The following RNF185 variants were observed in gnomAD, a reference collection of about 807,000 sequenced individuals.
The protein encoded by RNF185 is ring finger protein 185, also known as E3 ubiquitin-protein ligase RNF185.
In RNF185, 13 loss-of-function variants were observed where a neutral mutation model predicts 24.9. That is an observed-to-expected ratio of 0.52 (90% CI 0.34 to 0.83). The LOEUF (loss-of-function observed/expected upper bound fraction) is 0.83, where lower values mean the gene tolerates loss of function less well. Among genes scored for constraint, RNF185 ranks in the 40% least tolerant of loss-of-function variants. The pLI, the probability that RNF185 is intolerant of heterozygous loss-of-function variation, is 0.01. For missense variants in RNF185, 184 were observed against 244.7 expected, an observed-to-expected ratio of 0.75 and a Z score of 1.65; for synonymous variants, 79 against 90.3, an observed-to-expected ratio of 0.88 and a Z score of 0.71.
chr22:31,192,848 C>G, intron 3 of RNF185, 146 bp downstream of exon 3: 1 of 709,114 alleles, frequency 1.4e-6, no homozygotes, highest in Non-Finnish European at 2.5e-6. Flanking sequence ...TCTTTACATA[C>G]CTGTCCACTG....
intron 2 of RNF185, among the ~76,000 whole-genome samples, chr22:31,189,164 T>TG (rs1491298797): frequency 2.7e-5 from 4 of 147,134 alleles, no homozygotes; most frequent in Admixed American, 6.8e-5. Flanking sequence ...TGTGTGTGTG[T>TG]TTGTGTTTGT....
At chr22:31,192,522 A>G (rs552608674) in intron 2 of RNF185, among the ~76,000 whole-genome samples, 162 bp from the exon 3 acceptor site, 1 of 152,012 alleles carries the variant, frequency 6.6e-6, no homozygotes, top group South Asian at 2.1e-4. Context: ...AGTAATCCCT[A>G]CAGAACCTCA....
At chr22:31,176,279 C>G (rs1280665095) in intron 1 of RNF185, among the ~76,000 whole-genome samples, 1 of 151,472 alleles carries the variant, frequency 6.6e-6, no homozygotes, top group Admixed American at 6.6e-5. Flanking sequence ...CTCTGTCGCC[C>G]AGGCTGGAGT....
intron 2 of RNF185, 119 bp downstream of exon 2, chr22:31,187,389 G>A: frequency 1.8e-6 from 2 of 1,093,406 alleles, no homozygotes; most frequent in Admixed American, 2.6e-5. Context: ...AGGCTCAAGG[G>A]ACAAGAGACC....
Position 31,171,118 on chromosome 22 carries a change from ACTC to A in RNF185, c.-49+10818_-49+10820del, listed in dbSNP as rs971471248. Among the ~76,000 whole-genome samples the A allele has an allele frequency of 2.6e-4, 39 of 150,820 alleles. 1 individual carries two copies. The highest frequency in any genetic ancestry group is 4.1e-4 in the Non-Finnish European group (28 of 67,642). ...TAGTTACATTCTGACTTGGTTATAA[ACTC>A]CTTGAGCACAGGAACCAGGACCTTC... is the stretch of plus-strand genomic sequence containing the variant. On this transcript the variant is annotated intron_variant, in intron 1 of 6. Coordinates refer to ENST00000326132, the MANE Select transcript of RNF185 (RefSeq NM_152267.4).
intron 1 of RNF185, among the ~76,000 whole-genome samples, chr22:31,161,152 G>A (rs957634860): frequency 9.8e-5 from 15 of 152,334 alleles, no homozygotes; most frequent in African/African-American, 3.4e-4. Flanking sequence ...GGACTAACAG[G>A]TGAATTCTAC....
At chr22:31,178,535 G>T (rs2048004853) in intron 1 of RNF185, among the ~76,000 whole-genome samples, 1 of 152,194 alleles carries the variant, frequency 6.6e-6, no homozygotes, top group Non-Finnish European at 1.5e-5. Flanking sequence ...GATCTTTCGT[G>T]GGGTGAGAGG....
intron 3 of RNF185, among the ~76,000 whole-genome samples, 182 bp from the exon 4 acceptor site, chr22:31,195,287 C>G (rs145807607): frequency 3.3e-5 from 5 of 152,292 alleles, no homozygotes; most frequent in African/African-American, 9.6e-5. Context: ...TTTGATTTTA[C>G]CACTGGTAGG....
chr22:31,171,882 C>G (rs202021115), intron 1 of RNF185, among the ~76,000 whole-genome samples: 1 of 151,844 alleles, frequency 6.6e-6, no homozygotes, highest in East Asian at 2.0e-4. Flanking sequence ...GCAGGAGAAT[C>G]GCTTGAACCT....
intron 2 of RNF185, 79 bp downstream of exon 2, chr22:31,187,349 A>G (rs576761641): frequency 8.0e-5 from 118 of 1,477,836 alleles, no homozygotes; most frequent in Non-Finnish European, 1.1e-4. Context: ...TTGGAGCAGA[A>G]TGCTTCCTGC....
chr22:31,172,735 T>G (rs1483890654), intron 1 of RNF185, among the ~76,000 whole-genome samples: 2 of 117,128 alleles, frequency 1.7e-5, no homozygotes, highest in Non-Finnish European at 3.3e-5. Flanking sequence ...AGCAACAGAG[T>G]GAGACCCCGT....
Position 31,196,839 on chromosome 22 carries a change from T to C in RNF185, c.309-97T>C, listed in dbSNP as rs1278997193. On this transcript the variant is annotated intron_variant, in intron 4 of 6. Transcript: ENST00000326132. ...TTCATGTCCTGGACAAGAAAGAGGC[T>C]ATGGCCCTGACCCTGTTGGTAAAGA... is the stretch of plus-strand genomic sequence containing the variant. 3 of 1,517,836 alleles carry C rather than the reference T, an allele frequency of 2.0e-6. No individual in the cohort carries two copies. In the Admixed American group the frequency reaches 6.9e-5, roughly 35 times the overall value. 94.0% of individuals were successfully genotyped at this position (1,517,836 alleles called of 1,614,324 possible). A position where few individuals can be genotyped will look rare whatever the true frequency, so the allele number is the denominator to read the frequency against.
chr22:31,195,619 C>T (rs1010214078), intron 4 of RNF185, 38 bp downstream of exon 4: 2 of 1,329,778 alleles, frequency 1.5e-6, no homozygotes, highest in African/African-American at 2.9e-5. Context: ...CACTTCTCCC[C>T]TTGGATGTGA....
chr22:31,202,060 G>C (rs368671028), intron 6 of RNF185, among the ~76,000 whole-genome samples: 2 of 152,220 alleles, frequency 1.3e-5, no homozygotes, highest in South Asian at 2.1e-4. Context: ...AGGAGTGAAG[G>C]CATCTCCATT....
At chr22:31,176,638 G>A (rs2047985797) in intron 1 of RNF185, among the ~76,000 whole-genome samples, 2 of 151,754 alleles carry the variant, frequency 1.3e-5, no homozygotes, top group South Asian at 2.1e-4. Flanking sequence ...ACAGGTGCCC[G>A]CCACCATGCC....
intron 1 of RNF185, among the ~76,000 whole-genome samples, chr22:31,184,285 G>A (rs1057326074): frequency 2.4e-4 from 37 of 151,524 alleles, no homozygotes; most frequent in Non-Finnish European, 4.6e-4. Context: ...ACGGGGTCGC[G>A]GCCTGGCAGA....
intron 1 of RNF185, among the ~76,000 whole-genome samples, chr22:31,179,593 G>A (rs2048014414): frequency 6.6e-6 from 1 of 152,170 alleles, no homozygotes; most frequent in Middle Eastern, 3.2e-3. Flanking sequence ...GGGACCATGT[G>A]GTGTCTACTA....
At chr22:31,188,555 A>G (rs1341695665) in intron 2 of RNF185, among the ~76,000 whole-genome samples, 1 of 152,182 alleles carries the variant, frequency 6.6e-6, no homozygotes, top group Non-Finnish European at 1.5e-5. Context: ...GGCTGGGCTC[A>G]GTGGCTCACA....
At position 31,173,416 on chromosome 22, in the gene RNF185, G is replaced by GAC. The variant is rs55812227; in HGVS notation, c.-49+13138_-49+13139dup. On this transcript the variant is annotated intron_variant, in intron 1 of 6. Transcript: ENST00000326132. ...CTGTCAACTCATTCACACACACACA[G>GAC]ACACACACACACACACACACACACA... Among the ~76,000 whole-genome samples, 837 of 146,886 alleles carry GAC rather than the reference G, an allele frequency of 5.7e-3. 10 individuals are homozygous for GAC. The highest frequency in any genetic ancestry group is 0.017 in the East Asian group (86 of 4,996).
Sources: allele counts gnomAD v4.1 joint callset (sites outside exome capture counted in the v4.1 genomes callset), GRCh38; gene constraint gnomAD v4.1.1; transcripts MANE v1.5; gene names NCBI Gene and HGNC (gene_info 2026-07-23, HGNC 2026-07-21).